The following ARID4A variants were observed in gnomAD, a reference collection of about 807,000 sequenced individuals.
The protein encoded by ARID4A is AT-rich interaction domain 4A, also known as AT-rich interactive domain-containing protein 4A.
A neutral mutation model predicts 148.6 loss-of-function variants in ARID4A; 39 were observed. The ratio of observed to expected loss-of-function variants is 0.26; its 90% CI spans 0.20 to 0.34. The LOEUF is 0.34. ARID4A is among the 10% of genes least tolerant of loss of function. The probability of loss-of-function intolerance (pLI) is 1.00; values close to 1 mark genes in which losing one functional copy is unlikely to be tolerated. For synonymous variants in ARID4A, 475 were observed against 481.2 expected, an observed-to-expected ratio of 0.99 and a Z score of 0.17; for missense variants, 1,265 against 1,449.1, an observed-to-expected ratio of 0.87 and a Z score of 2.06.
At chr14:58,356,355 A>T (rs529432630) in intron 17 of ARID4A, among the ~76,000 whole-genome samples, 4 of 152,276 alleles carry the variant, frequency 2.6e-5, no homozygotes, top group East Asian at 1.9e-4. Flanking sequence ...ATTTTACTAT[A>T]TGTCTATCTT....
intron 9 of ARID4A, among the ~76,000 whole-genome samples, chr14:58,328,607 T>C (rs529821863): frequency 2.0e-5 from 3 of 152,194 alleles, no homozygotes; most frequent in Non-Finnish European, 4.4e-5. Context: ...TTTTATCATG[T>C]ACTAGTAGTA....
At chr14:58,303,244 C>G (rs568055112) in intron 3 of ARID4A, among the ~76,000 whole-genome samples, 27 of 152,226 alleles carry the variant, frequency 1.8e-4, no homozygotes, top group Middle Eastern at 3.4e-3. Flanking sequence ...GTGATTAAAT[C>G]AAGATAATTT....
intron 17 of ARID4A, among the ~76,000 whole-genome samples, chr14:58,358,686 ATG>A (rs2034998732): frequency 6.6e-6 from 1 of 152,182 alleles, no homozygotes; most frequent in Non-Finnish European, 1.5e-5. Flanking sequence ...GGAAGTTGAA[ATG>A]GACTTGATAA....
chr14:58,343,447 A>C (rs1426565299), intron 11 of ARID4A, among the ~76,000 whole-genome samples: 1 of 152,222 alleles, frequency 6.6e-6, no homozygotes, highest in African/African-American at 2.4e-5. Flanking sequence ...AGATAACACA[A>C]TTTTAAAGTG....
intron 1 of ARID4A, among the ~76,000 whole-genome samples, chr14:58,298,911 C>T (rs1400310303): frequency 3.9e-5 from 6 of 152,206 alleles, no homozygotes; most frequent in Non-Finnish European, 8.8e-5. Flanking sequence ...GCCGCCTCCT[C>T]GTCCGCTTCC....
At chr14:58,328,038 C>A (rs538410385) in intron 8 of ARID4A, among the ~76,000 whole-genome samples, 199 bp from the exon 9 acceptor site, 2 of 152,208 alleles carry the variant, frequency 1.3e-5, no homozygotes, top group East Asian at 3.9e-4. Flanking sequence ...TTCTAGGCAA[C>A]CAATGTGCAG....
At chr14:58,350,198 T>C (rs1232413416) in intron 15 of ARID4A, among the ~76,000 whole-genome samples, 1 of 149,320 alleles carries the variant, frequency 6.7e-6, no homozygotes, top group Non-Finnish European at 1.5e-5. Context: ...GGAACTTGTG[T>C]GTTAGTGCTT....
intron 3 of ARID4A, among the ~76,000 whole-genome samples, chr14:58,302,293 A>G (rs1219167373): frequency 6.6e-6 from 1 of 152,202 alleles, no homozygotes; most frequent in Non-Finnish European, 1.5e-5. Context: ...CAGGAGTTCG[A>G]GACCAGCCTG....
At position 58,318,726 on chromosome 14, in the gene ARID4A, C is replaced by T; in HGVS notation, c.370C>T (p.Pro124Ser). The change falls in exon 7 of 24, where the codon CCA becomes TCA. Residue 124 changes from proline to serine, a missense_variant. Pro to Ser is a moderately conservative substitution (Grantham distance 74, BLOSUM62 -1). Around this residue, in one of 9 missense-constraint regions of ARID4A, gnomAD observed 6 missense variants for 24.2 expected, o/e 0.25. Coordinates refer to ENST00000355431, the MANE Select transcript of ARID4A (RefSeq NM_002892.4). ...FAESETLDQL[P>S]LTNPEHFGTP... is the part of the protein sequence containing the mutation. ...TCTTATACAGACACTTGACCAGCTT[C>T]CATTAACAAATCCAGAGCATTTTGG... 1 of 1,613,982 alleles carries T rather than the reference C, an allele frequency of 6.2e-7. No individual in the cohort carries two copies. Among genetic ancestry groups the T allele is most frequent in the Non-Finnish European group, 8.5e-7 (1 of 1,179,932 alleles).
rs749158890 is a variant in ARID4A at position 58,323,590 on chromosome 14, G to A, written c.555G>A (p.Thr185=). The change falls in exon 8 of 24, where the codon ACG becomes ACA. Residue 185 remains threonine (T), a synonymous_variant. Transcript: ENST00000355431. ...LGKVVSVVSA[T]ERTEWYPALV... is the part of the protein sequence containing the mutation. ...AAGTTGTAAGTGTGGTGTCTGCAAC[G>A]GAGAGGACTGAATGGTATCCTGCTT... The A allele has an allele frequency of 4.2e-5, 67 of 1,613,958 alleles. No individual in the cohort carries two copies. The highest frequency in any genetic ancestry group is 5.3e-5 in the Non-Finnish European group (62 of 1,179,980).
rs200034672 is a variant in ARID4A, at chr14:58,365,166, C to T, written c.3077C>T (p.Thr1026Met). 6.8e-5 allele frequency: 109 copies of T among 1,614,020 alleles called. 1 individual carries two copies. In the Admixed American group the frequency reaches 1.1e-3, roughly 17 times the overall value. ...SRSVKSESDI[T>M]IEVDSIAEES... ...AGCGTAAAAAGTGAGAGTGATATAA[C>T]GATTGAAGTTGATAGTATTGCTGAA... The change falls in exon 20 of 24, where the codon ACG (threonine) becomes ATG (methionine). Residue 1026 changes from threonine to methionine, a missense_variant. Thr to Met is a moderately conservative substitution (Grantham distance 81). Coordinates refer to ENST00000355431, the MANE Select transcript of ARID4A (RefSeq NM_002892.4).
intron 15 of ARID4A, among the ~76,000 whole-genome samples, chr14:58,350,710 A>G (rs1374958786): frequency 2.0e-5 from 3 of 152,224 alleles, no homozygotes; most frequent in East Asian, 1.9e-4. Context: ...TTAACATTAG[A>G]TAATTTATTT....
At chr14:58,357,828 T>A (rs2034954043) in intron 17 of ARID4A, among the ~76,000 whole-genome samples, 1 of 152,184 alleles carries the variant, frequency 6.6e-6, no homozygotes, top group African/African-American at 2.4e-5. Context: ...ATGTAAAAAC[T>A]GTTATTTAGT....
intron 11 of ARID4A, among the ~76,000 whole-genome samples, chr14:58,342,850 G>T (rs967900136): frequency 1.3e-5 from 2 of 152,058 alleles, no homozygotes; most frequent in Admixed American, 1.3e-4. Context: ...GAGGCAGAGG[G>T]TTGCACTGAG....
rs2031572548 is a variant in ARID4A, at chr14:58,306,018, T to G, written c.184-4T>G. On this transcript the variant is annotated splice_region_variant and splice_polypyrimidine_tract_variant and intron_variant, in intron 4 of 23. Transcript: ENST00000355431. ...GGTAAGGAAATTGGGATTTCACATT[T>G]TAGGTTGGAGCTATTGTTGAAACAA... The G allele has an allele frequency of 6.2e-7, 1 of 1,612,184 alleles. No individual in the cohort carries two copies.
At chr14:58,307,766 G>A (rs978118752) in intron 5 of ARID4A, among the ~76,000 whole-genome samples, 2 of 152,162 alleles carry the variant, frequency 1.3e-5, no homozygotes, top group Admixed American at 6.5e-5. Flanking sequence ...GTTGCAGTAA[G>A]CCTAGATTGT....
chr14:58,329,505 C>T (rs375458110), intron 9 of ARID4A, 23 bp from the exon 10 acceptor site: 2 of 1,468,758 alleles, frequency 1.4e-6, no homozygotes, highest in African/African-American at 1.4e-5. Flanking sequence ...AATTGTTTTC[C>T]TCCCCTTCTT....
intron 11 of ARID4A, among the ~76,000 whole-genome samples, chr14:58,332,724 T>A (rs1418287878): frequency 6.6e-6 from 1 of 152,184 alleles, no homozygotes; most frequent in Non-Finnish European, 1.5e-5. Context: ...TAGGTGAGGC[T>A]ACGCTGTTTT....
Position 58,351,311 on chromosome 14 carries a change from A to C in ARID4A, c.1643A>C (p.Lys548Thr). 1.2e-6 allele frequency: 2 copies of C among 1,600,912 alleles called. No individual in the cohort carries two copies. Among genetic ancestry groups the C allele is most frequent in the Non-Finnish European group, 1.7e-6 (2 of 1,177,022 alleles). The change falls in exon 16 of 24, where the codon AAA (lysine) becomes ACA (threonine). Residue 548 changes from lysine (K) to threonine (T), a missense_variant. Lys to Thr is a moderately conservative substitution (Grantham distance 78, BLOSUM62 -1). Around this residue, in one of 9 missense-constraint regions of ARID4A, gnomAD observed 205 missense variants for 196.9 expected, o/e 1.04. Coordinates refer to ENST00000355431, the MANE Select transcript of ARID4A (RefSeq NM_002892.4). ...AAAGACTCAGATGAAGAGGAAGAGA[A>C]AAGCCAAGAGAGGTACATTATCTTA... is the stretch of plus-strand genomic sequence containing the variant. ...SDKDSDEEEE[K>T]SQEREETESK...
Sources: allele counts gnomAD v4.1 joint callset (sites outside exome capture counted in the v4.1 genomes callset), GRCh38; gene constraint gnomAD v4.1.1; regional missense constraint gnomAD v4.1.1; transcripts MANE v1.5; gene names NCBI Gene and HGNC (gene_info 2026-07-23, HGNC 2026-07-21).